The following DIS3L variants were observed in gnomAD, a reference collection of about 807,000 sequenced individuals.
The protein encoded by DIS3L is DIS3 like exosome 3'-5' exoribonuclease, also known as DIS3-like exonuclease 1.
In DIS3L, 100 loss-of-function variants were observed where a neutral mutation model predicts 120.3. The observed-to-expected ratio is 0.83, with a 90% CI of 0.71 to 0.98. The LOEUF (loss-of-function observed/expected upper bound fraction) is 0.98. Ranked by LOEUF, DIS3L falls within the 50% of genes least tolerant of loss-of-function variation. DIS3L has a pLI of 0.00. For synonymous variants in DIS3L, 426 were observed against 470.6 expected (o/e 0.91, Z 1.23); for missense variants, 1,196 against 1,314.2 (o/e 0.91, Z 1.39).
At chr15:66,313,273 C>T (rs570931462) in intron 5 of DIS3L, among the ~76,000 whole-genome samples, 5 of 151,814 alleles carry the variant, frequency 3.3e-5, no homozygotes, top group Non-Finnish European at 4.4e-5. Context: ...GGATTACAGG[C>T]GTGAGCCACC....
At chr15:66,307,864 G>GA (rs1216131647) in intron 3 of DIS3L, among the ~76,000 whole-genome samples, 1 of 152,152 alleles carries the variant, frequency 6.6e-6, no homozygotes, top group Non-Finnish European at 1.5e-5. Context: ...GTGCTGCTGA[G>GA]GAGCCACACG....
Position 66,320,611 on chromosome 15 carries a change from C to T in DIS3L, c.1205C>T (p.Thr402Ile). 6.2e-7 allele frequency: 1 copy of T among 1,613,970 alleles called. No individual in the cohort carries two copies. The highest frequency in any genetic ancestry group is 1.1e-5 in the South Asian group (1 of 91,046). The change falls in exon 9 of 17, where the codon ACA becomes ATA. Residue 402 changes from threonine to isoleucine, a missense_variant. Thr to Ile is a moderately conservative substitution (Grantham distance 89). Coordinates refer to ENST00000319212, the MANE Select transcript of DIS3L (RefSeq NM_001143688.3). ...GTGCGCATCGATTCCTGGGAGTCAA[C>T]ATCTGTGTATCCAAATGGACATTTT... ...VVVRIDSWESTSVYPNGHFVR... is the reference protein window; with the variant it reads ...VVVRIDSWESISVYPNGHFVR...
chr15:66,333,392 C>G lies in DIS3L; in HGVS notation c.*80C>G, dbSNP rs1469216411. ...AACTTAACATTTAATGTGTGTCACT[C>G]AGTGCTCTAGTCGATCAGGACTGGG... On this transcript the variant is annotated 3_prime_UTR_variant, in exon 17 of 17. Coordinates refer to ENST00000319212, the MANE Select transcript of DIS3L (RefSeq NM_001143688.3). 1 of 1,348,302 alleles carries G rather than the reference C, an allele frequency of 7.4e-7. No individual in the cohort carries two copies. The highest frequency in any genetic ancestry group is 1.0e-6 in the Non-Finnish European group (1 of 993,380). 83.5% of individuals were successfully genotyped at this position (1,348,302 alleles called of 1,614,324 possible).
chr15:66,329,565 A>G (rs2092976998), intron 14 of DIS3L, 166 bp downstream of exon 14: 4 of 1,315,956 alleles, frequency 3.0e-6, no homozygotes, highest in Admixed American at 3.6e-5. Flanking sequence ...TAACTTGTGG[A>G]TTTGGGAGAT....
At chr15:66,295,553 CTT>C (rs1477029616) in intron 2 of DIS3L, among the ~76,000 whole-genome samples, 1 of 152,096 alleles carries the variant, frequency 6.6e-6, no homozygotes, top group Non-Finnish European at 1.5e-5. Context: ...ATTTTAGACT[CTT>C]TTATTGGGGA....
chr15:66,329,316 G>T lies in DIS3L; in HGVS notation c.2452G>T (p.Asp818Tyr). 2.5e-6 allele frequency: 4 copies of T among 1,613,982 alleles called. No homozygotes were observed. Among genetic ancestry groups the T allele is most frequent in the Non-Finnish European group, 3.4e-6 (4 of 1,179,960 alleles). The part of the protein sequence containing the change: ...HRLLMAAISK[D>Y]KKMEIKGNLF... ...CTTGTTAATGGCAGCCATTTCAAAA[G>T]ATAAGAAAATGGAAATTAAGGGAAA... The change falls in exon 14 of 17, where the codon GAT (aspartate) becomes TAT (tyrosine). Residue 818 changes from aspartate (D) to tyrosine (Y), a missense_variant. Coordinates refer to ENST00000319212, the MANE Select transcript of DIS3L (RefSeq NM_001143688.3).
At chr15:66,299,734 T>C (rs938274849) in intron 2 of DIS3L, among the ~76,000 whole-genome samples, 2 of 152,078 alleles carry the variant, frequency 1.3e-5, no homozygotes, top group Admixed American at 6.6e-5. Flanking sequence ...ACTAAGAGAA[T>C]TGAAAACATG....
intron 6 of DIS3L, among the ~76,000 whole-genome samples, chr15:66,314,644 T>A (rs1187608578): frequency 6.6e-6 from 1 of 152,182 alleles, no homozygotes; most frequent in Non-Finnish European, 1.5e-5. Context: ...GCATTCCCCC[T>A]GTCGGTTCTG....
intron 2 of DIS3L, among the ~76,000 whole-genome samples, chr15:66,305,255 T>C (rs1218438522): frequency 1.3e-5 from 2 of 151,886 alleles, no homozygotes; most frequent in Non-Finnish European, 2.9e-5. Flanking sequence ...CTGCCTCGCC[T>C]CCCAAAGTGC....
intron 2 of DIS3L, 188 bp from the exon 3 acceptor site, chr15:66,306,636 C>A: frequency 1.4e-6 from 1 of 703,416 alleles, no homozygotes; most frequent in Non-Finnish European, 2.1e-6. Context: ...TTCTAGCAGG[C>A]AAAATCGAGA....
At chr15:66,313,388 G>A (rs1463016980) in intron 5 of DIS3L, among the ~76,000 whole-genome samples, 6 of 152,126 alleles carry the variant, frequency 3.9e-5, no homozygotes, top group Non-Finnish European at 8.8e-5. Flanking sequence ...GTATAGCTAA[G>A]AGTAGTTCAA....
chr15:66,316,847 T>C (rs2092822149), intron 7 of DIS3L, among the ~76,000 whole-genome samples: 1 of 152,046 alleles, frequency 6.6e-6, no homozygotes, highest in African/African-American at 2.4e-5. Flanking sequence ...AAGCAAGAGT[T>C]GGCTCCTGTC....
intron 5 of DIS3L, among the ~76,000 whole-genome samples, chr15:66,313,264 G>A (rs1244726321): frequency 6.6e-6 from 1 of 151,940 alleles, no homozygotes; most frequent in Non-Finnish European, 1.5e-5. Context: ...AAAATGCTGG[G>A]ATTACAGGCG....
chr15:66,303,758 G>T (rs1174832021), intron 2 of DIS3L, among the ~76,000 whole-genome samples: 1 of 151,980 alleles, frequency 6.6e-6, no homozygotes, highest in Non-Finnish European at 1.5e-5. Context: ...AAGCATTACC[G>T]AACTGTGTAA....
Position 66,326,072 on chromosome 15 carries a change from C to T in DIS3L, c.1909C>T (p.Arg637Cys), listed in dbSNP as rs1400182726. The T allele has an allele frequency of 9.9e-6, 16 of 1,614,114 alleles. No individual in the cohort carries two copies. Among genetic ancestry groups the T allele is most frequent in the Middle Eastern group, 1.6e-4 (1 of 6,062 alleles). The change falls in exon 12 of 17, where the codon CGC becomes TGC. Residue 637 changes from arginine to cysteine, a missense_variant. Coordinates refer to ENST00000319212, the MANE Select transcript of DIS3L (RefSeq NM_001143688.3). ...WAIGKLTDIA[R>C]HVRAKRDGCG... is the part of the protein sequence containing the mutation. ...AATTGGAAAGCTGACCGACATAGCTCGCCATGTCAGAGCTAAACGAGACGG... is the reference window on the plus strand; with the variant it reads ...AATTGGAAAGCTGACCGACATAGCTTGCCATGTCAGAGCTAAACGAGACGG...
intron 6 of DIS3L, 78 bp downstream of exon 6, chr15:66,314,195 A>G: frequency 8.3e-7 from 1 of 1,211,046 alleles, no homozygotes; most frequent in South Asian, 1.9e-5. Context: ...CAAAGTTGAA[A>G]TTGTCATGTC....
chr15:66,304,999 T>A (rs1157060145), intron 2 of DIS3L, among the ~76,000 whole-genome samples: 1 of 69,594 alleles, frequency 1.4e-5, no homozygotes, highest in Non-Finnish European at 3.4e-5. Flanking sequence ...AATCGATTTC[T>A]TTTTTTTTTT....
At chr15:66,298,356 C>T (rs1237866948) in intron 2 of DIS3L, among the ~76,000 whole-genome samples, 1 of 152,110 alleles carries the variant, frequency 6.6e-6, no homozygotes, top group African/African-American at 2.4e-5. Context: ...GTGTTATTTT[C>T]TTCTATTGTT....
rs1040716569 is a variant in DIS3L at position 66,303,522 on chromosome 15, AAG to A, written c.294-3296_294-3295del. On this transcript the variant is annotated intron_variant, in intron 2 of 16. Transcript: ENST00000319212. ...ATTTTCTAAATGAAGGATGCTTAGCAAGAGAGATCATTTGTAAACAAATAACT... is the reference window on the plus strand; with the variant it reads ...ATTTTCTAAATGAAGGATGCTTAGCAAGAGATCATTTGTAAACAAATAACT... Among the ~76,000 whole-genome samples the A allele has an allele frequency of 8.5e-5, 13 of 152,342 alleles. 3 individuals carry two copies.
Sources: allele counts gnomAD v4.1 joint callset (sites outside exome capture counted in the v4.1 genomes callset), GRCh38; gene constraint gnomAD v4.1.1; transcripts MANE v1.5; gene names NCBI Gene and HGNC (gene_info 2026-07-23, HGNC 2026-07-21).